The following FGFR2 variants were observed in gnomAD, a reference collection of about 807,000 sequenced individuals.
FGFR2 encodes fibroblast growth factor receptor 2, also known as BEK fibroblast growth factor receptor.
FGFR2 carries 19 observed loss-of-function variants against 95.9 expected under a neutral mutation model. That is an observed-to-expected ratio of 0.20 (90% CI 0.14 to 0.29). FGFR2 has a LOEUF of 0.29. FGFR2 is among the 10% of genes least tolerant of loss of function. The pLI, the probability that FGFR2 is intolerant of heterozygous loss-of-function variation, is 1.00. For missense variants in FGFR2, 707 were observed against 1,056.9 expected (o/e 0.67, Z 4.59); for synonymous variants, 392 against 393.3 (o/e 1.00, Z 0.04).
Position 121,518,990 on chromosome 10 carries a change from G to A in FGFR2, c.939+989C>T, listed in dbSNP as rs1184604500. On this transcript the variant is annotated intron_variant, in intron 7 of 17. Coordinates refer to ENST00000358487, the MANE Select transcript of FGFR2 (RefSeq NM_000141.5). The surrounding 1 kb of genome is among the most constrained non-coding windows in gnomAD (Gnocchi z 4.0). ...TAAAGAACAAAATCAGTCCAGTGGT[G>A]GACAACGGAAAGACCTGGTGGAGAG... Among the ~76,000 whole-genome samples, 1 of 152,212 alleles carries A rather than the reference G, an allele frequency of 6.6e-6. No homozygotes were observed. The highest frequency in any genetic ancestry group is 1.5e-5 in the Non-Finnish European group (1 of 68,034).
At chr10:121,549,985 T>C (rs565334336) in intron 5 of FGFR2, among the ~76,000 whole-genome samples, 18 of 152,320 alleles carry the variant, frequency 1.2e-4, no homozygotes, top group African/African-American at 4.3e-4. Flanking sequence ...GTAACTAATA[T>C]GCCCACTTAT....
Position 121,501,944 on chromosome 10 carries a change from G to C in FGFR2, c.1440-997C>G, listed in dbSNP as rs186021926. Among the ~76,000 whole-genome samples, 12 of 152,240 alleles carry C rather than the reference G, an allele frequency of 7.9e-5. No homozygotes were observed. In the East Asian group the frequency reaches 1.5e-3, roughly 20 times the overall value. On this transcript the variant is annotated intron_variant, in intron 10 of 17. Transcript: ENST00000358487. Reference sequence around the variant, plus strand: ...CTTTCTTTGTATAACTTCTGCCTCCGATCTAATAAACTGCTTCTAAATAGC... The same window carrying C: ...CTTTCTTTGTATAACTTCTGCCTCCCATCTAATAAACTGCTTCTAAATAGC...
chr10:121,525,260 T>C (rs937441702), intron 6 of FGFR2, among the ~76,000 whole-genome samples: 3 of 152,112 alleles, frequency 2.0e-5, no homozygotes, highest in Non-Finnish European at 4.4e-5. Context: ...AAAAGAGTGA[T>C]TGGAAGGTGG....
intron 5 of FGFR2, among the ~76,000 whole-genome samples, chr10:121,541,856 A>G (rs556167692): frequency 6.6e-6 from 1 of 152,364 alleles, no homozygotes; most frequent in East Asian, 1.9e-4. Flanking sequence ...ACTTGCTGGT[A>G]CCTATTAAAA....
chr10:121,481,340 T>G (rs1178203179), intron 17 of FGFR2, among the ~76,000 whole-genome samples: 1 of 151,862 alleles, frequency 6.6e-6, no homozygotes, highest in African/African-American at 2.4e-5. Context: ...ACAGCCTCAG[T>G]GTTATCAGAA....
chr10:121,518,531 AG>A lies in FGFR2; in HGVS notation c.940-1069del. 1.2e-6 allele frequency: 1 copy of A among 834,962 alleles called. No homozygotes were observed. Among genetic ancestry groups the A allele is most frequent in the South Asian group, 1.8e-5 (1 of 56,192 alleles). 51.7% of individuals were successfully genotyped at this position (834,962 alleles called of 1,614,324 possible). On this transcript the variant is annotated intron_variant, in intron 7 of 17. Transcript: ENST00000358487. The surrounding 1 kb of genome is among the most constrained non-coding windows in gnomAD (Gnocchi z 4.0). ...TTTCCATGGCTACTGGCATCATACC[AG>A]CTGCATCACCGAAGAAAGATTATTA... is the stretch of plus-strand genomic sequence containing the variant.
intron 9 of FGFR2, among the ~76,000 whole-genome samples, chr10:121,511,678 C>T (rs1347670524): frequency 6.6e-6 from 1 of 152,146 alleles, no homozygotes; most frequent in East Asian, 1.9e-4. Flanking sequence ...CAAGCCCTGA[C>T]ACTGAATGTG....
At chr10:121,571,965 A>G (rs1202627198) in intron 2 of FGFR2, among the ~76,000 whole-genome samples, 10 of 151,420 alleles carry the variant, frequency 6.6e-5, no homozygotes, top group Non-Finnish European at 1.0e-4. Context: ...AAAAAAAAAA[A>G]TTGACTGTTT....
At chr10:121,538,392 G>A (rs764594458) in intron 6 of FGFR2, 200 bp downstream of exon 6, 1 of 850,706 alleles carries the variant, frequency 1.2e-6, no homozygotes, top group South Asian at 1.3e-5. Flanking sequence ...ATCATGCAAA[G>A]CTCATAAACC....
intron 2 of FGFR2, among the ~76,000 whole-genome samples, chr10:121,587,558 G>A (rs1304870708): frequency 1.3e-5 from 2 of 151,904 alleles, no homozygotes; most frequent in East Asian, 3.9e-4. Flanking sequence ...AAATTTACAA[G>A]AGAAAAACAA....
At chr10:121,537,655 G>A (rs949739851) in intron 6 of FGFR2, among the ~76,000 whole-genome samples, 2 of 152,206 alleles carry the variant, frequency 1.3e-5, no homozygotes, top group African/African-American at 2.4e-5. Context: ...ACGGCAAAAC[G>A]TGAGTGTGAA....
rs958991761 is a variant in FGFR2 at position 121,531,673 on chromosome 10, C to T, written c.748+6919G>A. 2.6e-5 allele frequency among the ~76,000 whole-genome samples: 4 copies of T among 152,116 alleles called. No homozygotes were observed. The highest frequency in any genetic ancestry group is 2.0e-4 in the Admixed American group (3 of 15,278). On this transcript the variant is annotated intron_variant, in intron 6 of 17. Transcript: ENST00000358487. The surrounding 1 kb of genome is among the most constrained non-coding windows in gnomAD (Gnocchi z 4.5). ...AGGAAACAGTCATCACCCCATTTTACAGGCAAGGAAACTGAGGCTCAGAGG... is the reference window on the plus strand; with the variant it reads ...AGGAAACAGTCATCACCCCATTTTATAGGCAAGGAAACTGAGGCTCAGAGG...
chr10:121,597,651 G>C (rs1418785509), intron 1 of FGFR2, among the ~76,000 whole-genome samples: 6 of 152,256 alleles, frequency 3.9e-5, no homozygotes, highest in African/African-American at 1.4e-4. Context: ...CTCTGGGGTC[G>C]GAGAAACGCG....
intron 6 of FGFR2, among the ~76,000 whole-genome samples, chr10:121,524,870 T>C (rs899716930): frequency 2.6e-5 from 4 of 152,142 alleles, no homozygotes; most frequent in Admixed American, 1.3e-4. Context: ...CCCCTCAAGT[T>C]TGCAACTTTT....
chr10:121,590,973 A>ACGCACG (rs1343197466), intron 2 of FGFR2, among the ~76,000 whole-genome samples: 1 of 151,832 alleles, frequency 6.6e-6, no homozygotes, highest in East Asian at 1.9e-4. Context: ...GCACGCACGC[A>ACGCACG]CGCACGCGCA....
intron 5 of FGFR2, among the ~76,000 whole-genome samples, chr10:121,541,604 C>T (rs1036375513): frequency 6.6e-6 from 1 of 152,176 alleles, no homozygotes; most frequent in South Asian, 2.1e-4. Context: ...AATGCACATA[C>T]ACCGTCTTTG....
At chr10:121,499,378 T>A (rs1186900857) in intron 11 of FGFR2, among the ~76,000 whole-genome samples, 1 of 152,122 alleles carries the variant, frequency 6.6e-6, no homozygotes, top group Non-Finnish European at 1.5e-5. Context: ...ATAAGAACCA[T>A]GTTGCAAACA....
Position 121,566,112 on chromosome 10 carries a change from C to T in FGFR2, c.110-408G>A, listed in dbSNP as rs369125468. Among the ~76,000 whole-genome samples the T allele has an allele frequency of 2.6e-4, 40 of 152,302 alleles. No homozygotes were observed. The East Asian group carries it at 6.2e-3, about 23-fold the overall frequency. On this transcript the variant is annotated intron_variant, in intron 2 of 17. Coordinates refer to ENST00000358487, the MANE Select transcript of FGFR2 (RefSeq NM_000141.5). ...CATTTGTACGTGAAACGTGACTGTG[C>T]GCCACACACACATACACTCTTTATT...
intron 6 of FGFR2, among the ~76,000 whole-genome samples, chr10:121,536,741 C>T (rs1445461353): frequency 6.6e-6 from 1 of 152,178 alleles, no homozygotes; most frequent in African/African-American, 2.4e-5. Flanking sequence ...AGAGCCCAGA[C>T]CGGAGTGGCC....
Sources: allele counts gnomAD v4.1 joint callset (sites outside exome capture counted in the v4.1 genomes callset), GRCh38; gene constraint gnomAD v4.1.1; non-coding constraint Gnocchi (gnomAD v3.1); transcripts MANE v1.5; gene names NCBI Gene and HGNC (gene_info 2026-07-23, HGNC 2026-07-21).